CCDC178: variants seen among roughly 807,000 people sequenced by gnomAD.
CCDC178 encodes the protein coiled-coil domain-containing protein 178.
Under a neutral mutation model 117.4 loss-of-function variants are expected in CCDC178, and 126 were observed. That is an observed-to-expected ratio of 1.07 (90% CI 0.93 to 1.24). CCDC178 has a LOEUF of 1.24. CCDC178 is among the 50% of genes most tolerant of loss of function. CCDC178 has a pLI of 0.00. For synonymous variants in CCDC178, 283 were observed against 313.4 expected (o/e 0.90, Z 1.02); for missense variants, 1,030 against 986.9 (o/e 1.04, Z -0.59).
At chr18:33,309,188 CA>C (rs56164801) in intron 11 of CCDC178, among the ~76,000 whole-genome samples, 118,098 of 143,332 alleles carry the variant, frequency 0.82, 48,338 homozygotes, top group South Asian at 0.91. Context: ...TGTTTTTTGA[CA>C]AAAAAAAAAA....
chr18:33,137,815 A>G (rs2058147552), intron 20 of CCDC178, among the ~76,000 whole-genome samples: 1 of 152,176 alleles, frequency 6.6e-6, no homozygotes, highest in African/African-American at 2.4e-5. Flanking sequence ...TGGAAGACAC[A>G]ATCACACGGG....
intron 21 of CCDC178, among the ~76,000 whole-genome samples, chr18:33,000,609 A>G (rs1266498925): frequency 1.3e-5 from 2 of 152,216 alleles, no homozygotes; most frequent in Non-Finnish European, 2.9e-5. Context: ...ATAGCATACA[A>G]TGGAGCTCCA....
intron 21 of CCDC178, among the ~76,000 whole-genome samples, chr18:32,985,087 A>C (rs1038175523): frequency 1.3e-5 from 2 of 151,992 alleles, no homozygotes; most frequent in African/African-American, 2.4e-5. Flanking sequence ...ATTAATTCAC[A>C]ATAAAAACAT....
At chr18:33,158,165 G>C (rs530244197) in intron 20 of CCDC178, among the ~76,000 whole-genome samples, 23 of 152,200 alleles carry the variant, frequency 1.5e-4, no homozygotes, top group Middle Eastern at 3.4e-3. Context: ...TCTTATCACT[G>C]ATCTCAAGAC....
chr18:32,971,168 C>T (rs1031880806), intron 22 of CCDC178, among the ~76,000 whole-genome samples: 5 of 151,814 alleles, frequency 3.3e-5, no homozygotes, highest in African/African-American at 1.2e-4. Context: ...TGTTCTCCCT[C>T]CCCTTACCCC....
chr18:33,323,263 A>C (rs1373152972), intron 11 of CCDC178: 4 of 260,554 alleles, frequency 1.5e-5, no homozygotes, highest in East Asian at 7.1e-5. Context: ...GAAGAGCTTT[A>C]AGATGACACA....
chr18:33,068,093 C>T (rs1305830228), intron 21 of CCDC178, among the ~76,000 whole-genome samples: 1 of 151,980 alleles, frequency 6.6e-6, no homozygotes. Context: ...TTCCTGGACA[C>T]ATTCAACCTA....
Position 33,267,315 on chromosome 18 carries a change from CAGA to C in CCDC178, c.1177-21_1177-19del. On this transcript the variant is annotated intron_variant, in intron 12 of 22. Coordinates refer to ENST00000383096, the MANE Select transcript of CCDC178 (RefSeq NM_001105528.4). ...TCTTCCAGCTAAGAAAGAAGATATACAGAACAAAGTGAATTGTATAGCTTTTCA... is the reference window on the plus strand; with the variant it reads ...TCTTCCAGCTAAGAAAGAAGATATACACAAAGTGAATTGTATAGCTTTTCA... The C allele has an allele frequency of 2.1e-6, 3 of 1,429,510 alleles. No homozygotes were observed. Among genetic ancestry groups the C allele is most frequent in the Non-Finnish European group, 2.9e-6 (3 of 1,035,910 alleles). 88.6% of individuals were successfully genotyped at this position (1,429,510 alleles called of 1,614,324 possible).
In CCDC178 at chr18:33,397,129, A is replaced by G; in HGVS notation, c.118+20T>C. 6.7e-7 allele frequency: 1 copy of G among 1,483,752 alleles called. No individual in the cohort carries two copies. The highest frequency in any genetic ancestry group is 1.4e-5 in the African/African-American group (1 of 71,156). The allele number at this position is 1,483,752 out of a possible 1,614,324, so 91.9% of individuals were successfully genotyped here. A position where few individuals can be genotyped will look rare whatever the true frequency, so the allele number is the denominator to read the frequency against. On this transcript the variant is annotated intron_variant, in intron 4 of 22. Transcript: ENST00000383096. The stretch of plus-strand genomic sequence containing the variant: ...GACAGAAAAAAGAGATGAAAATTAT[A>G]TATAATAGCTGTTGGATACCTTCAT...
intron 4 of CCDC178, among the ~76,000 whole-genome samples, chr18:33,396,693 G>T (rs2063641177): frequency 1.3e-5 from 2 of 152,000 alleles, no homozygotes; most frequent in Admixed American, 1.3e-4. Context: ...CATCTTTAGG[G>T]ATGCACACAT....
intron 21 of CCDC178, among the ~76,000 whole-genome samples, chr18:33,028,690 A>G (rs1402684549): frequency 1.3e-5 from 2 of 151,774 alleles, no homozygotes; most frequent in Non-Finnish European, 1.5e-5. Context: ...ATCAGGTTAA[A>G]AAGTTTCATT....
intron 21 of CCDC178, among the ~76,000 whole-genome samples, chr18:33,022,228 T>C (rs2144832224): frequency 6.6e-6 from 1 of 152,268 alleles, no homozygotes; most frequent in Admixed American, 6.5e-5. Flanking sequence ...TGGAGGGCTG[T>C]TTCCTGCAAG....
intron 20 of CCDC178, among the ~76,000 whole-genome samples, chr18:33,195,923 G>T (rs1039400788): frequency 1.3e-5 from 2 of 152,104 alleles, no homozygotes; most frequent in Non-Finnish European, 2.9e-5. Flanking sequence ...AGTAATGTCT[G>T]GTTTCTTGAG....
intron 20 of CCDC178, among the ~76,000 whole-genome samples, chr18:33,179,108 T>TATATATAA (rs2058701934): frequency 1.1e-5 from 1 of 92,980 alleles, no homozygotes; most frequent in African/African-American, 5.3e-5. Context: ...TATATATATA[T>TATATATAA]AAACTATATA....
chr18:33,310,391 T>C (rs2062324220), intron 11 of CCDC178, among the ~76,000 whole-genome samples: 1 of 152,202 alleles, frequency 6.6e-6, no homozygotes, highest in South Asian at 2.1e-4. Context: ...AAGTTGGCTA[T>C]AATTAAAAAG....
intron 6 of CCDC178, among the ~76,000 whole-genome samples, chr18:33,366,430 G>T (rs969558447): frequency 6.0e-4 from 91 of 152,096 alleles, no homozygotes; most frequent in African/African-American, 2.1e-3. Context: ...CATAAGACAT[G>T]AGATAATGGG....
intron 12 of CCDC178, among the ~76,000 whole-genome samples, chr18:33,280,339 C>A (rs1329469817): frequency 6.6e-6 from 1 of 151,726 alleles, no homozygotes; most frequent in Admixed American, 6.6e-5. Context: ...GCAGCCAAAA[C>A]ACACATGAAA....
At chr18:33,278,671 G>T (rs1470506221) in intron 12 of CCDC178, among the ~76,000 whole-genome samples, 1 of 151,886 alleles carries the variant, frequency 6.6e-6, no homozygotes, top group African/African-American at 2.4e-5. Context: ...ATTACTATTA[G>T]CAACAAATAC....
At chr18:33,241,631 A>T (rs2059489536) in intron 15 of CCDC178, among the ~76,000 whole-genome samples, 2 of 151,738 alleles carry the variant, frequency 1.3e-5, no homozygotes, top group African/African-American at 4.8e-5. Context: ...AAAAAATAAA[A>T]ATAAAATACT....
Sources: gnomAD v4.1 joint callset for allele counts (sites outside exome capture counted in the v4.1 genomes callset) on GRCh38, gnomAD v4.1.1 for gene constraint, MANE v1.5 for transcripts, NCBI Gene and HGNC (gene_info 2026-07-23, HGNC 2026-07-21) for gene names.